Variants in PIGQ observed in about 807,000 individuals in gnomAD.
The protein encoded by PIGQ is phosphatidylinositol N-acetylglucosaminyltransferase subunit Q.
Under a neutral mutation model 60.3 loss-of-function variants are expected in PIGQ, and 54 were observed. The observed-to-expected ratio is 0.90, with a 90% CI of 0.72 to 1.12. The LOEUF (loss-of-function observed/expected upper bound fraction) is 1.12, where lower values mean the gene tolerates loss of function less well. PIGQ is among the 50% of genes most tolerant of loss of function. The probability of loss-of-function intolerance (pLI) is 0.00; values close to 1 mark genes in which losing one functional copy is unlikely to be tolerated. For missense variants in PIGQ, 799 were observed against 793.5 expected, an observed-to-expected ratio of 1.01 and a Z score of -0.08; for synonymous variants, 416 against 363.7, an observed-to-expected ratio of 1.14 and a Z score of -1.64.
rs371278937 is a variant in PIGQ at position 578,381 on chromosome 16, C to T, written c.945C>T (p.His315=). 82 of 1,609,040 alleles carry T rather than the reference C, an allele frequency of 5.1e-5. No individual in the cohort carries two copies. The African/African-American group carries it at 6.3e-4, about 12-fold the overall frequency. The change falls in exon 5 of 11, where the codon CAC becomes CAT. Residue 315 remains histidine (H), a splice_region_variant and synonymous_variant. Transcript: ENST00000321878. The part of the protein sequence containing the change: ...LADALVPVAD[H]VAEELQHLLQ... ...GCGTGGCCCCTGTGTCCCTGCAGCA[C>T]GTGGCCGAGGAGCTCCAGCATCTGC...
chr16:580,025 C>T (rs2071981), intron 7 of PIGQ, 158 bp from the exon 8 acceptor site: 10 of 546,310 alleles, frequency 1.8e-5, no homozygotes, highest in Middle Eastern at 5.0e-4. Context: ...GTGGACAGCC[C>T]TCCTGCTACT....
Position 583,287 on chromosome 16 carries a change from T to C in PIGQ, c.*252T>C. Reference sequence around the variant, plus strand: ...GCCTTGGGACCCGCTTCCCACCTGCTGCGGTCACCATGGTGGCGAGCACAG... The same window carrying C: ...GCCTTGGGACCCGCTTCCCACCTGCCGCGGTCACCATGGTGGCGAGCACAG... On this transcript the variant is annotated 3_prime_UTR_variant, in exon 11 of 11. Transcript: ENST00000321878. The C allele has an allele frequency of 6.2e-7, 1 of 1,612,898 alleles. No individual in the cohort carries two copies. Among genetic ancestry groups the C allele is most frequent in the Non-Finnish European group, 8.5e-7 (1 of 1,179,968 alleles).
At chr16:580,783 G>C in intron 8 of PIGQ, 75 bp from the exon 9 acceptor site, 1 of 771,896 alleles carries the variant, frequency 1.3e-6, no homozygotes, top group South Asian at 1.3e-5. Context: ...CTTCATCGTG[G>C]CCCAGGATGG....
At position 578,423 on chromosome 16, in the gene PIGQ, T is replaced by C. The variant is rs774124536; in HGVS notation, c.987T>C (p.Gly329=). Residue 329 remains glycine (G), a synonymous_variant, in exon 5 of 11, where the codon GGT becomes GGC. Coordinates refer to ENST00000321878, the MANE Select transcript of PIGQ (RefSeq NM_004204.5). ...ELQHLLQWLM[G]APAGLKMNRA... ...AGCATCTGCTGCAGTGGCTGATGGGTGCTCCCGCCGGGCTCAAGATGAACC... is the reference window on the plus strand; with the variant it reads ...AGCATCTGCTGCAGTGGCTGATGGGCGCTCCCGCCGGGCTCAAGATGAACC... 5.0e-6 allele frequency: 8 copies of C among 1,612,046 alleles called. No individual in the cohort carries two copies. The South Asian group carries it at 6.6e-5, about 13-fold the overall frequency.
chr16:578,783 A>G lies in PIGQ; in HGVS notation c.1070-2A>G. 7 of 1,612,588 alleles carry G rather than the reference A, an allele frequency of 4.3e-6. No individual in the cohort carries two copies. Among genetic ancestry groups the G allele is most frequent in the Non-Finnish European group, 5.9e-6 (7 of 1,179,158 alleles). On this transcript the variant is annotated splice_acceptor_variant, in intron 5 of 10. Transcript: ENST00000321878. LOFTEE classifies it high-confidence loss of function. ...TCCTGAGGGCCTACCCCACCCTGCC[A>G]GGCTACATCCACCTCATGTCCCCCT...
rs781128264 is a variant in PIGQ at position 580,194 on chromosome 16, G to A, written c.1347G>A (p.Gly449=). 2.5e-6 allele frequency: 4 copies of A among 1,612,180 alleles called. No individual in the cohort carries two copies. The highest frequency in any genetic ancestry group is 2.7e-5 in the African/African-American group (2 of 75,006). ...GCCCCTCCCTACAGCTGTTCATCGGGACTCTGCTCTTCACCATCCTGCTCT... is the reference window on the plus strand; with the variant it reads ...GCCCCTCCCTACAGCTGTTCATCGGAACTCTGCTCTTCACCATCCTGCTCT... ...CSYDLDQLFI[G]TLLFTILLFL... Residue 449 remains glycine (G), a synonymous_variant, in exon 8 of 11, where the codon GGG becomes GGA. Transcript: ENST00000321878.
In PIGQ at chr16:579,159, CTGTTCCTA is replaced by C; in HGVS notation, c.1317_1324del (p.Cys439Ter). On this transcript the variant is annotated frameshift_variant, in exon 7 of 11. Coordinates refer to ENST00000321878, the MANE Select transcript of PIGQ (RefSeq NM_004204.5). LOFTEE classifies it high-confidence loss of function. ...ACGTTCTGCGCCAGCGCGTGGACTC[CTGTTCCTA>C]TGACCTGGACCAGGTATGGGGCAGG... is the stretch of plus-strand genomic sequence containing the variant. The C allele has an allele frequency of 6.2e-7, 1 of 1,612,768 alleles. No individual in the cohort carries two copies. The highest frequency in any genetic ancestry group is 1.1e-5 in the South Asian group (1 of 91,072).
chr16:579,917 T>G, intron 7 of PIGQ: 1 of 359,730 alleles, frequency 2.8e-6, no homozygotes, highest in Non-Finnish European at 5.0e-6. Flanking sequence ...GATGCTGCCA[T>G]GCAGAGCATG....
In PIGQ at chr16:574,049, C is replaced by T; in HGVS notation, c.-9-17C>T. ...GCAGCAGCAGCTCTGAGCCGAGCCTCTCCTCTTCTCTTCCAGCCTCCCGGC... is the reference window on the plus strand; with the variant it reads ...GCAGCAGCAGCTCTGAGCCGAGCCTTTCCTCTTCTCTTCCAGCCTCCCGGC... On this transcript the variant is annotated splice_polypyrimidine_tract_variant and intron_variant, in intron 1 of 10. Coordinates refer to ENST00000321878, the MANE Select transcript of PIGQ (RefSeq NM_004204.5). The T allele has an allele frequency of 1.3e-6, 2 of 1,559,932 alleles. No individual in the cohort carries two copies. The highest frequency in any genetic ancestry group is 1.2e-5 in the South Asian group (1 of 86,238).
chr16:579,046 C>T (rs773972286), intron 6 of PIGQ, 23 bp from the exon 7 acceptor site: 21 of 1,593,636 alleles, frequency 1.3e-5, no homozygotes, highest in South Asian at 2.2e-5. Context: ...CGGGGCCGGG[C>T]CCGACAGCAC....
rs528791281 is a variant in PIGQ at position 580,437 on chromosome 16, A to G, written c.1416+174A>G. On this transcript the variant is annotated intron_variant, in intron 8 of 10. Transcript: ENST00000321878. ...TGCGCTCTGGAGTGGGCGAGGCCCT[A>G]TCCTGGCCAGTAAGACACCCTCACT... 7 of 571,976 alleles carry G rather than the reference A, an allele frequency of 1.2e-5. No individual in the cohort carries two copies. The South Asian group carries it at 1.6e-4, about 13-fold the overall frequency. 35.4% of individuals were successfully genotyped at this position (571,976 alleles called of 1,614,324 possible).
At chr16:579,256 C>T (rs1308734718) in intron 7 of PIGQ, 76 bp downstream of exon 7, 28 of 1,208,792 alleles carry the variant, frequency 2.3e-5, no homozygotes, top group Non-Finnish European at 3.3e-5. Context: ...GGTGCTTGGG[C>T]ACCACAAGGG....
At chr16:579,202 T>G (rs767574151) in intron 7 of PIGQ, 22 bp downstream of exon 7, 30 of 1,583,394 alleles carry the variant, frequency 1.9e-5, no homozygotes, top group Admixed American at 8.4e-5. Flanking sequence ...GGTTCGTGGC[T>G]GGAGGGGCTG....
rs2035772658 is a variant in PIGQ at position 579,146 on chromosome 16, A to G, written c.1301A>G (p.Gln434Arg). The G allele has an allele frequency of 6.2e-7, 1 of 1,612,912 alleles. No homozygotes were observed. ...GGGAAGAAGTGGAACGTTCTGCGCC[A>G]GCGCGTGGACTCCTGTTCCTATGAC... ...FRGKKWNVLRQRVDSCSYDLD... is the reference protein window; with the variant it reads ...FRGKKWNVLRRRVDSCSYDLD... The change falls in exon 7 of 11, where the codon CAG becomes CGG. Residue 434 changes from glutamine to arginine, a missense_variant. Coordinates refer to ENST00000321878, the MANE Select transcript of PIGQ (RefSeq NM_004204.5).
chr16:572,896 T>A lies in PIGQ; in HGVS notation c.-9-1170T>A, dbSNP rs143150226. 4.9e-3 allele frequency among the ~76,000 whole-genome samples: 740 copies of A among 152,350 alleles called. 4 individuals are homozygous for A. The highest frequency in any genetic ancestry group is 0.017 in the African/African-American group (692 of 41,590). The stretch of plus-strand genomic sequence containing the variant: ...CCAGGCTCAGGCCAAGCTATGTCCC[T>A]CCCTCGAGTGTGGCTCCAGCGTGGG... On this transcript the variant is annotated intron_variant, in intron 1 of 10. Transcript: ENST00000321878.
rs113418671 is a variant in PIGQ at position 580,766 on chromosome 16, G to A, written c.1417-92G>A. ...CTCTCCCCAGGACCCTGCAGCCTCT[G>A]GGCCCCCTTCATCGTGGCCCAGGAT... On this transcript the variant is annotated intron_variant, in intron 8 of 10. Transcript: ENST00000321878. 799 of 750,816 alleles carry A rather than the reference G, an allele frequency of 1.1e-3. 8 individuals carry two copies. The African/African-American group carries it at 0.012, about 11-fold the overall frequency. The allele number at this position is 750,816 out of a possible 1,614,324, so 46.5% of individuals were successfully genotyped here. A position where few individuals can be genotyped will look rare whatever the true frequency, so the allele number is the denominator to read the frequency against.
intron 1 of PIGQ, among the ~76,000 whole-genome samples, chr16:571,017 T>C (rs2035608729): frequency 6.7e-6 from 1 of 148,700 alleles, no homozygotes; most frequent in Non-Finnish European, 1.5e-5. Context: ...CAGAGGAAGC[T>C]CTTCTGGCTA....
chr16:576,449 A>G, intron 4 of PIGQ, 195 bp downstream of exon 4: 1 of 657,022 alleles, frequency 1.5e-6, no homozygotes, highest in Non-Finnish European at 2.6e-6. Context: ...CAGGCCTCGC[A>G]GGTACACCCC....
chr16:572,903 A>T (rs749321608), intron 1 of PIGQ, among the ~76,000 whole-genome samples: 1 of 152,224 alleles, frequency 6.6e-6, no homozygotes, highest in East Asian at 1.9e-4. Flanking sequence ...CCCTCCCTCG[A>T]GTGTGGCTCC....
Sources: gnomAD v4.1 joint callset for allele counts (sites outside exome capture counted in the v4.1 genomes callset) on GRCh38, gnomAD v4.1.1 for gene constraint, MANE v1.5 for transcripts, NCBI Gene and HGNC (gene_info 2026-07-23, HGNC 2026-07-21) for gene names.